The following ADGRB3 variants were observed in gnomAD, a reference collection of about 807,000 sequenced individuals.
ADGRB3 encodes adhesion G protein-coupled receptor B3.
In ADGRB3, 37 loss-of-function variants were observed where a neutral mutation model predicts 193.4. The ratio of observed to expected loss-of-function variants is 0.19; its 90% CI spans 0.15 to 0.25. The LOEUF (loss-of-function observed/expected upper bound fraction) is 0.25. ADGRB3 is among the 10% of genes least tolerant of loss of function. The pLI is 1.00. For synonymous variants in ADGRB3, 690 were observed against 644.2 expected (o/e 1.07, Z -1.08); for missense variants, 1,637 against 1,852.9 (o/e 0.88, Z 2.14).
At chr6:69,134,888 T>C (rs1774109539) in intron 17 of ADGRB3, among the ~76,000 whole-genome samples, 1 of 152,014 alleles carries the variant, frequency 6.6e-6, no homozygotes, top group Non-Finnish European at 1.5e-5. Flanking sequence ...AACATCTCCA[T>C]AGAATACAGT....
chr6:69,372,413 A>G lies in ADGRB3; in HGVS notation c.4247A>G (p.Lys1416Arg). ...TAAAAATATATCTTACAGAGAAGAA[A>G]ATCACGATATTCAGACCTTGACTTT... is the stretch of plus-strand genomic sequence containing the variant. ...TISMSSLERR[K>R]SRYSDLDFEK... The change falls in exon 30 of 32, where the codon AAA (lysine) becomes AGA (arginine). Residue 1416 changes from lysine (K) to arginine (R), a missense_variant. Transcript: ENST00000370598. 7.3e-7 allele frequency: 1 copy of G among 1,375,616 alleles called. No homozygotes were observed. The highest frequency in any genetic ancestry group is 1.0e-6 in the Non-Finnish European group (1 of 1,003,486). 85.2% of individuals were successfully genotyped at this position (1,375,616 alleles called of 1,614,324 possible). A position where few individuals can be genotyped will look rare whatever the true frequency, so the allele number is the denominator to read the frequency against.
chr6:69,351,198 A>G (rs1002249781), intron 26 of ADGRB3, among the ~76,000 whole-genome samples: 6 of 151,690 alleles, frequency 4.0e-5, no homozygotes, highest in African/African-American at 1.2e-4. Context: ...AGTTCAAGCA[A>G]TTCTCCTCCC....
chr6:69,058,899 T>G (rs2150306173), intron 15 of ADGRB3, among the ~76,000 whole-genome samples: 1 of 152,172 alleles, frequency 6.6e-6, no homozygotes, highest in South Asian at 2.1e-4. Context: ...TGTCTGCCCT[T>G]GAGAAGAATG....
chr6:68,685,046 T>C (rs1243752269), intron 3 of ADGRB3, among the ~76,000 whole-genome samples: 1 of 152,176 alleles, frequency 6.6e-6, no homozygotes, highest in Admixed American at 6.5e-5. Context: ...TTTCAACATA[T>C]TTAAACATTG....
chr6:68,711,691 C>G (rs1765411596), intron 3 of ADGRB3, among the ~76,000 whole-genome samples: 1 of 151,996 alleles, frequency 6.6e-6, no homozygotes, highest in African/African-American at 2.4e-5. Flanking sequence ...TGCTGTTAGC[C>G]CATCCCTTCA....
intron 17 of ADGRB3, among the ~76,000 whole-genome samples, chr6:69,174,054 A>T (rs1189787381): frequency 1.2e-5 from 1 of 81,966 alleles, no homozygotes; most frequent in Non-Finnish European, 2.4e-5. Context: ...TTTTAAAGGA[A>T]ATTACTCATG....
At chr6:69,148,102 G>A (rs1031332124) in intron 17 of ADGRB3, among the ~76,000 whole-genome samples, 3 of 151,994 alleles carry the variant, frequency 2.0e-5, no homozygotes, top group African/African-American at 7.2e-5. Flanking sequence ...CTATGTCCTT[G>A]AATTAGAGAG....
rs149345424 is a variant in ADGRB3, at chr6:68,797,191, A to G, written c.758-133368A>G. Among the ~76,000 whole-genome samples the G allele has an allele frequency of 3.5e-3, 528 of 152,208 alleles. 16 individuals are homozygous for G. The highest frequency in any genetic ancestry group is 0.029 in the Admixed American group (449 of 15,252). On this transcript the variant is annotated intron_variant, in intron 3 of 31. Coordinates refer to ENST00000370598, the MANE Select transcript of ADGRB3 (RefSeq NM_001704.3). ...TACCTTGCGTGGGTCAATCACGCTG[A>G]TAGTAGCTTCTGGTTCAGAGAAGAG... is the stretch of plus-strand genomic sequence containing the variant.
In ADGRB3 at chr6:69,314,867, C is replaced by A. The variant is rs533730370; in HGVS notation, c.2815-10005C>A. ...TTTTCATTTAATTTTATGAAATGAA[C>A]CTTGTCTTCACAATGCCTATTGGTT... On this transcript the variant is annotated intron_variant, in intron 20 of 31. Coordinates refer to ENST00000370598, the MANE Select transcript of ADGRB3 (RefSeq NM_001704.3). Among the ~76,000 whole-genome samples, 10 of 151,564 alleles carry A rather than the reference C, an allele frequency of 6.6e-5. No individual in the cohort carries two copies. In the South Asian group the frequency reaches 1.9e-3, roughly 28 times the overall value.
At chr6:69,261,897 T>C (rs1766937564) in intron 20 of ADGRB3, among the ~76,000 whole-genome samples, 1 of 152,056 alleles carries the variant, frequency 6.6e-6, no homozygotes, top group African/African-American at 2.4e-5. Context: ...AAAATAGGTT[T>C]ATATAATATT....
rs538377570 is a variant in ADGRB3, at chr6:69,152,933, A to G, written c.2480+76895A>G. On this transcript the variant is annotated intron_variant, in intron 17 of 31. Coordinates refer to ENST00000370598, the MANE Select transcript of ADGRB3 (RefSeq NM_001704.3). ...GAGGATCCTGGAACTGCATTGATGTACTCAGTTTATGATCTCACTTATTTT... is the reference window on the plus strand; with the variant it reads ...GAGGATCCTGGAACTGCATTGATGTGCTCAGTTTATGATCTCACTTATTTT... Among the ~76,000 whole-genome samples, 151 of 152,274 alleles carry G rather than the reference A, an allele frequency of 9.9e-4. 1 individual carries two copies. Among genetic ancestry groups the G allele is most frequent in the African/African-American group, 3.5e-3 (147 of 41,554 alleles).
chr6:69,029,939 C>A (rs929092056), intron 13 of ADGRB3, among the ~76,000 whole-genome samples: 5 of 146,518 alleles, frequency 3.4e-5, no homozygotes, highest in African/African-American at 7.7e-5. Context: ...ATTTATGAAG[C>A]CAACAAACAT....
chr6:69,282,602 A>T (rs1257147010), intron 20 of ADGRB3, among the ~76,000 whole-genome samples: 3 of 152,190 alleles, frequency 2.0e-5, no homozygotes, highest in African/African-American at 7.2e-5. Context: ...TTTTTTTATT[A>T]AGGACAGGTG....
At chr6:69,382,019 T>A (rs140653498) in intron 30 of ADGRB3, among the ~76,000 whole-genome samples, 38 of 152,020 alleles carry the variant, frequency 2.5e-4, no homozygotes, top group African/African-American at 8.7e-4. Context: ...TCTTAAATGA[T>A]CTGTAATTGA....
chr6:69,158,684 C>T (rs1415811480), intron 17 of ADGRB3, among the ~76,000 whole-genome samples: 1 of 152,038 alleles, frequency 6.6e-6, no homozygotes, highest in Non-Finnish European at 1.5e-5. Flanking sequence ...AGTCTTTCAA[C>T]ATTATTACTA....
At chr6:68,899,360 A>G (rs1161021288) in intron 3 of ADGRB3, among the ~76,000 whole-genome samples, 1 of 151,832 alleles carries the variant, frequency 6.6e-6, no homozygotes, top group African/African-American at 2.4e-5. Context: ...TTACATATGT[A>G]TACATGTGCC....
chr6:69,361,406 T>G lies in ADGRB3; in HGVS notation c.4133T>G (p.Phe1378Cys). 1 of 1,613,034 alleles carries G rather than the reference T, an allele frequency of 6.2e-7. No homozygotes were observed. The highest frequency in any genetic ancestry group is 1.3e-5 in the African/African-American group (1 of 74,952). Residue 1378 changes from phenylalanine (F) to cysteine (C), a missense_variant, in exon 29 of 32, where the codon TTT becomes TGT. Phe to Cys is a radical substitution (Grantham distance 205). Around this residue, in one of 7 missense-constraint regions of ADGRB3, gnomAD observed 368 missense variants for 367.4 expected, o/e 1.00. Coordinates refer to ENST00000370598, the MANE Select transcript of ADGRB3 (RefSeq NM_001704.3). Reference sequence around the variant, plus strand: ...CAGGAACATATGCAGAATTTGCCCTTTGAACCTCGCACAGCTGTGAAGAAT... The same window carrying G: ...CAGGAACATATGCAGAATTTGCCCTGTGAACCTCGCACAGCTGTGAAGAAT... ...APQEHMQNLP[F>C]EPRTAVKNFM...
chr6:69,252,240 T>C (rs1022274993), intron 20 of ADGRB3, among the ~76,000 whole-genome samples: 2 of 152,304 alleles, frequency 1.3e-5, no homozygotes, highest in Non-Finnish European at 2.9e-5. Flanking sequence ...AGTGATTAAT[T>C]ATTCTTTATT....
At chr6:68,950,450 C>T (rs2150254078) in intron 6 of ADGRB3, among the ~76,000 whole-genome samples, 1 of 152,208 alleles carries the variant, frequency 6.6e-6, no homozygotes, top group Non-Finnish European at 1.5e-5. Context: ...TATTACATTT[C>T]AATTAAATTT....
Sources: gnomAD v4.1 joint callset for allele counts (sites outside exome capture counted in the v4.1 genomes callset) on GRCh38, gnomAD v4.1.1 for gene constraint, gnomAD v4.1.1 regional missense constraint, MANE v1.5 for transcripts, NCBI Gene and HGNC (gene_info 2026-07-23, HGNC 2026-07-21) for gene names.